Variants in NALF1 observed in about 807,000 individuals in gnomAD.
The protein encoded by NALF1 is family with sequence similarity 155 member A.
In NALF1, 3 loss-of-function variants were observed where a neutral mutation model predicts 48.4. The ratio of observed to expected loss-of-function variants is 0.06; its 90% confidence interval spans 0.03 to 0.16. The LOEUF is 0.16. NALF1 is among the 10% of genes least tolerant of loss of function. The pLI, the probability that NALF1 is intolerant of heterozygous loss-of-function variation, is 1.00. For missense variants in NALF1, 526 were observed against 571.5 expected (o/e 0.92, Z 0.81); for synonymous variants, 262 against 245.7 (o/e 1.07, Z -0.62).
intron 1 of NALF1, among the ~76,000 whole-genome samples, chr13:107,399,578 G>A (rs72650582): frequency 0.027 from 4,086 of 152,172 alleles, 72 homozygotes; most frequent in Non-Finnish European, 0.042. Flanking sequence ...TCACCATCAT[G>A]AAACTTTCAT....
At chr13:107,558,013 G>A (rs1206849399) in intron 1 of NALF1, among the ~76,000 whole-genome samples, 1 of 152,058 alleles carries the variant, frequency 6.6e-6, no homozygotes, top group African/African-American at 2.4e-5. Context: ...TCGGCATTCA[G>A]AGAGACTGAG....
At chr13:107,394,530 A>G (rs1883679247) in intron 1 of NALF1, among the ~76,000 whole-genome samples, 1 of 152,160 alleles carries the variant, frequency 6.6e-6, no homozygotes, top group Admixed American at 6.6e-5. Context: ...GTGTATAGAC[A>G]TATCTCATTA....
chr13:107,340,895 G>A (rs1467531388), intron 1 of NALF1, among the ~76,000 whole-genome samples: 1 of 152,150 alleles, frequency 6.6e-6, no homozygotes, highest in African/African-American at 2.4e-5. Flanking sequence ...CAAGTCATAT[G>A]ATCACAGTCC....
At chr13:107,808,957 T>C (rs1878900466) in intron 1 of NALF1, among the ~76,000 whole-genome samples, 1 of 152,090 alleles carries the variant, frequency 6.6e-6, no homozygotes, top group Admixed American at 6.6e-5. Flanking sequence ...TTATATGAAC[T>C]TCAAGAATAG....
chr13:107,588,786 T>A (rs761793180), intron 1 of NALF1, among the ~76,000 whole-genome samples: 1 of 152,052 alleles, frequency 6.6e-6, no homozygotes, highest in Non-Finnish European at 1.5e-5. Context: ...CAAAACTGAA[T>A]CAATCATGTT....
chr13:107,766,385 A>G (rs922294630), intron 1 of NALF1, among the ~76,000 whole-genome samples: 1 of 152,212 alleles, frequency 6.6e-6, no homozygotes, highest in African/African-American at 2.4e-5. Context: ...TTTTTTAATC[A>G]AATGAATATC....
intron 1 of NALF1, among the ~76,000 whole-genome samples, chr13:107,465,488 A>G (rs960322661): frequency 5.9e-5 from 9 of 152,178 alleles, no homozygotes; most frequent in African/African-American, 1.7e-4. Context: ...CCTCTATCAC[A>G]CAAGATTCTG....
At chr13:107,523,292 T>C (rs1283881527) in intron 1 of NALF1, among the ~76,000 whole-genome samples, 1 of 152,180 alleles carries the variant, frequency 6.6e-6, no homozygotes, top group Non-Finnish European at 1.5e-5. Flanking sequence ...CCAGGTGGCA[T>C]AGTTTAATGT....
At chr13:107,425,527 T>C (rs1884265206) in intron 1 of NALF1, among the ~76,000 whole-genome samples, 4 of 152,158 alleles carry the variant, frequency 2.6e-5, no homozygotes, top group Admixed American at 2.6e-4. Context: ...TATGTACAAA[T>C]GATGATGTTG....
intron 1 of NALF1, among the ~76,000 whole-genome samples, chr13:107,428,072 C>T (rs143321705): frequency 1.3e-5 from 2 of 152,114 alleles, no homozygotes; most frequent in East Asian, 3.9e-4. Flanking sequence ...AAGATCTCTT[C>T]GAAAAGAGGG....
intron 1 of NALF1, among the ~76,000 whole-genome samples, chr13:107,804,297 A>T (rs1878707902): frequency 6.6e-6 from 1 of 152,090 alleles, no homozygotes; most frequent in Non-Finnish European, 1.5e-5. Flanking sequence ...AGCATCAGTT[A>T]TGCTCCAGTG....
chr13:107,446,774 C>A (rs546769892), intron 1 of NALF1, among the ~76,000 whole-genome samples: 27 of 152,144 alleles, frequency 1.8e-4, no homozygotes, highest in Non-Finnish European at 3.4e-4. Flanking sequence ...CATTGTTCTG[C>A]AATCTTACTA....
intron 1 of NALF1, among the ~76,000 whole-genome samples, chr13:107,515,284 T>C (rs1876020413): frequency 6.6e-6 from 1 of 152,116 alleles, no homozygotes; most frequent in Admixed American, 6.5e-5. Context: ...TGGGAAATGG[T>C]TTGAGAGTAA....
intron 1 of NALF1, among the ~76,000 whole-genome samples, chr13:107,486,356 G>C (rs1272568010): frequency 1.3e-5 from 2 of 152,122 alleles, no homozygotes; most frequent in Admixed American, 6.6e-5. Flanking sequence ...TCACTTTTTA[G>C]CTGAAAGGAA....
At chr13:107,374,924 T>G (rs140463536) in intron 1 of NALF1, among the ~76,000 whole-genome samples, 1 of 152,166 alleles carries the variant, frequency 6.6e-6, no homozygotes, top group African/African-American at 2.4e-5. Context: ...AATAAATTTC[T>G]GCTCATTATA....
chr13:107,609,994 T>A (rs1392997518), intron 1 of NALF1, among the ~76,000 whole-genome samples: 1 of 152,220 alleles, frequency 6.6e-6, no homozygotes, highest in East Asian at 1.9e-4. Flanking sequence ...AGATAAATGA[T>A]GATGATTGAT....
At position 107,245,665 on chromosome 13, in the gene NALF1, G is replaced by A. The variant is rs142863739; in HGVS notation, c.916-34910C>T. Among the ~76,000 whole-genome samples, 902 of 152,176 alleles carry A rather than the reference G, an allele frequency of 5.9e-3. 8 individuals carry two copies. Among genetic ancestry groups the A allele is most frequent in the Admixed American group, 0.01 (154 of 15,292 alleles). On this transcript the variant is annotated intron_variant, in intron 1 of 2. Transcript: ENST00000375915. ...GCTGAAAAAATCATATCGATTAAAA[G>A]AGCCTATCACCCAGGCGGGAAGAAG... is the stretch of plus-strand genomic sequence containing the variant.
chr13:107,777,215 T>G (rs1305126435), intron 1 of NALF1, among the ~76,000 whole-genome samples: 2 of 152,202 alleles, frequency 1.3e-5, no homozygotes, highest in Non-Finnish European at 2.9e-5. Flanking sequence ...GAAGATTTTA[T>G]TATTGTACCT....
intron 1 of NALF1, among the ~76,000 whole-genome samples, chr13:107,662,092 A>C (rs1001814173): frequency 6.6e-6 from 1 of 152,320 alleles, no homozygotes; most frequent in East Asian, 1.9e-4. Context: ...TTTTCCCATT[A>C]AAATCAAATC....
Sources: allele counts gnomAD v4.1 joint callset (sites outside exome capture counted in the v4.1 genomes callset), GRCh38; gene constraint gnomAD v4.1.1; transcripts MANE v1.5; gene names NCBI Gene and HGNC (gene_info 2026-07-23, HGNC 2026-07-21).